The following RNF212B variants were observed in gnomAD, a reference collection of about 807,000 sequenced individuals.
The protein encoded by RNF212B is ring finger protein 212B.
Under a neutral mutation model 55.5 loss-of-function variants are expected in RNF212B, and 52 were observed. That is an observed-to-expected ratio of 0.94 (90% CI 0.75 to 1.18). The LOEUF is 1.18. Among genes scored for constraint, RNF212B ranks in the 50% most tolerant of loss-of-function variants. The pLI is 0.00. For synonymous variants in RNF212B, 99 were observed against 121.4 expected (o/e 0.82, Z 1.21); for missense variants, 289 against 350.4 (o/e 0.82, Z 1.40).
intron 2 of RNF212B, among the ~76,000 whole-genome samples, chr14:23,197,779 C>T (rs1878865813): frequency 6.9e-6 from 1 of 143,994 alleles, no homozygotes; most frequent in Non-Finnish European, 1.5e-5. Context: ...GTCTTGTCTT[C>T]TTTTTTTTTT....
In RNF212B at chr14:23,189,289, C is replaced by A. The variant is rs181288128; in HGVS notation, c.-79+3799C>A. On this transcript the variant is annotated intron_variant, in intron 1 of 15. Transcript: ENST00000399910. The stretch of plus-strand genomic sequence containing the variant: ...TTTACTAAATCTGTCAATCTACCTG[C>A]AGCTCTCCCCACATCCTCTGCCTTC... Among the ~76,000 whole-genome samples, 30 of 152,296 alleles carry A rather than the reference C, an allele frequency of 2.0e-4. 1 individual carries two copies. The highest frequency in any genetic ancestry group is 1.6e-3 in the Admixed American group (24 of 15,286).
At chr14:23,208,257 C>A (rs766055822) in intron 2 of RNF212B, among the ~76,000 whole-genome samples, 1 of 152,154 alleles carries the variant, frequency 6.6e-6, no homozygotes, top group Non-Finnish European at 1.5e-5. Context: ...TGTGGTGGCT[C>A]ACACTTGTAA....
At chr14:23,192,480 G>C (rs1239632374) in intron 1 of RNF212B, among the ~76,000 whole-genome samples, 4 of 142,082 alleles carry the variant, frequency 2.8e-5, no homozygotes, top group Non-Finnish European at 6.0e-5. Context: ...GGTGGGAATT[G>C]AACAATGAGA....
At chr14:23,205,942 T>C (rs761614201) in intron 2 of RNF212B, among the ~76,000 whole-genome samples, 2 of 152,228 alleles carry the variant, frequency 1.3e-5, no homozygotes, top group African/African-American at 4.8e-5. Flanking sequence ...AGTATGAAAT[T>C]TGCTTGATTA....
intron 2 of RNF212B, among the ~76,000 whole-genome samples, chr14:23,199,718 A>C (rs987603854): frequency 1.3e-5 from 2 of 152,114 alleles, no homozygotes; most frequent in Non-Finnish European, 2.9e-5. Flanking sequence ...AAGGGAGAAA[A>C]AACAACAACA....
intron 2 of RNF212B, among the ~76,000 whole-genome samples, chr14:23,198,671 C>CA (rs11352293): frequency 1.4e-5 from 2 of 145,258 alleles, no homozygotes; most frequent in African/African-American, 5.0e-5. Context: ...AAACTCTGTC[C>CA]AAAAAAAAAA....
intron 9 of RNF212B, among the ~76,000 whole-genome samples, chr14:23,263,866 T>C (rs1347165221): frequency 6.6e-6 from 1 of 152,140 alleles, no homozygotes; most frequent in East Asian, 1.9e-4. Flanking sequence ...GGCGAGTGGA[T>C]CATTTGAGGT....
intron 1 of RNF212B, among the ~76,000 whole-genome samples, chr14:23,188,718 C>A (rs1316742992): frequency 6.6e-6 from 1 of 152,100 alleles, no homozygotes; most frequent in Non-Finnish European, 1.5e-5. Context: ...GTTCCTCCAG[C>A]CTCAGCTTCC....
chr14:23,224,323 G>T (rs1881823295), intron 2 of RNF212B, among the ~76,000 whole-genome samples: 1 of 151,342 alleles, frequency 6.6e-6, no homozygotes, highest in Non-Finnish European at 1.5e-5. Context: ...AACAAAAAGG[G>T]AGGAATCATA....
At chr14:23,212,735 C>T (rs1035570475) in intron 2 of RNF212B, among the ~76,000 whole-genome samples, 5 of 151,652 alleles carry the variant, frequency 3.3e-5, no homozygotes, top group African/African-American at 7.3e-5. Flanking sequence ...GCTATGTTGC[C>T]CAGGGTGGTC....
At chr14:23,213,975 G>T (rs1454964786) in intron 2 of RNF212B, among the ~76,000 whole-genome samples, 5 of 152,182 alleles carry the variant, frequency 3.3e-5, no homozygotes, top group African/African-American at 9.6e-5. Flanking sequence ...ACCATAAAAA[G>T]TGCTTCAATG....
At chr14:23,237,468 A>AT (rs1271973965), upstream of RNF212B, among the ~76,000 whole-genome samples, 3 of 152,084 alleles carry the variant, frequency 2.0e-5, no homozygotes, top group African/African-American at 7.2e-5. Flanking sequence ...TTTAATTGAA[A>AT]TTTGTTAGTT....
chr14:23,215,498 C>T lies in RNF212B; in HGVS notation c.-2+22097C>T, dbSNP rs1393201601. 2.6e-5 allele frequency among the ~76,000 whole-genome samples: 4 copies of T among 152,268 alleles called. No individual in the cohort carries two copies. In the East Asian group the frequency reaches 7.7e-4, roughly 29 times the overall value. On this transcript the variant is annotated intron_variant, in intron 2 of 15. Coordinates refer to the RNF212B transcript ENST00000399910. ...CTAGCCTGGGTGACAGAGCAAGACT[C>T]TGTATCTTTAAACAAACAAACAAAC...
intron 2 of RNF212B, chr14:23,230,152 G>A (rs1295473556): frequency 3.2e-5 from 5 of 158,588 alleles, no homozygotes; most frequent in East Asian, 1.7e-4. Flanking sequence ...CCACAATGGT[G>A]GAAAAAGGAA....
At chr14:23,221,251 A>G (rs1736837831) in intron 2 of RNF212B, among the ~76,000 whole-genome samples, 1 of 151,998 alleles carries the variant, frequency 6.6e-6, no homozygotes, top group African/African-American at 2.4e-5. Context: ...AAAAAAAAGA[A>G]AGAAACACGC....
intron 2 of RNF212B, among the ~76,000 whole-genome samples, chr14:23,230,562 G>C (rs1046587311): frequency 1.3e-5 from 2 of 148,836 alleles, no homozygotes; most frequent in African/African-American, 2.5e-5. Flanking sequence ...GCTGAGGCAG[G>C]AGAATGGCGT....
chr14:23,205,602 ACCTC>A lies in RNF212B; in HGVS notation c.-2+12203_-2+12206del, dbSNP rs796743695. ...CCTAACTGACTCCATATTGCTCTTA[ACCTC>A]CAAGCTGTCCTTGTTCATTCCTGGG... On this transcript the variant is annotated intron_variant, in intron 2 of 15. Transcript: ENST00000399910. 7.2e-5 allele frequency among the ~76,000 whole-genome samples: 11 copies of A among 152,300 alleles called. 1 individual carries two copies. The highest frequency in any genetic ancestry group is 2.6e-4 in the African/African-American group (11 of 41,562).
intron 2 of RNF212B, among the ~76,000 whole-genome samples, chr14:23,242,081 CAAAAA>C (rs58497672): frequency 2.7e-5 from 1 of 36,646 alleles, no homozygotes; most frequent in Non-Finnish European, 4.9e-5. Flanking sequence ...GACTCCGTCT[CAAAAA>C]AAAAAAAAAA....
At chr14:23,236,330 AC>A (rs1380197332), upstream of RNF212B, among the ~76,000 whole-genome samples, 1 of 152,184 alleles carries the variant, frequency 6.6e-6, no homozygotes, top group Non-Finnish European at 1.5e-5. Flanking sequence ...CCTGGCCAAC[AC>A]GGTGAAACCC....
Sources: allele counts gnomAD v4.1 joint callset (sites outside exome capture counted in the v4.1 genomes callset), GRCh38; gene constraint gnomAD v4.1.1; transcripts MANE v1.5; gene names NCBI Gene and HGNC (gene_info 2026-07-23, HGNC 2026-07-21).